The following ULK4 variants were observed in gnomAD, a reference collection of about 807,000 sequenced individuals.
ULK4 encodes the protein inactive serine/threonine-protein kinase ULK4.
Under a neutral mutation model 160.6 loss-of-function variants are expected in ULK4, and 133 were observed. That is an observed-to-expected ratio of 0.83 (90% CI 0.72 to 0.96). The LOEUF (loss-of-function observed/expected upper bound fraction) is 0.96, where lower values mean the gene tolerates loss of function less well. ULK4 is among the 40% of genes least tolerant of loss of function. ULK4 has a pLI of 0.00. For missense variants in ULK4, 1,580 were observed against 1,499.5 expected, an observed-to-expected ratio of 1.05 and a Z score of -0.89; for synonymous variants, 534 against 539.8, an observed-to-expected ratio of 0.99 and a Z score of 0.15.
chr3:41,478,764 A>C (rs1039291001), intron 32 of ULK4, among the ~76,000 whole-genome samples: 6 of 152,242 alleles, frequency 3.9e-5, no homozygotes, highest in Admixed American at 6.5e-5. Flanking sequence ...GGATTAATTT[A>C]AGCAAATATG....
intron 27 of ULK4, among the ~76,000 whole-genome samples, chr3:41,704,473 T>G (rs1174492401): frequency 1.3e-5 from 2 of 152,190 alleles, no homozygotes; most frequent in Non-Finnish European, 2.9e-5. Context: ...CTGGGGACCT[T>G]TCTGCAGAAA....
intron 32 of ULK4, among the ~76,000 whole-genome samples, chr3:41,531,707 T>C (rs1464207693): frequency 1.3e-5 from 2 of 152,084 alleles, no homozygotes; most frequent in East Asian, 1.9e-4. Context: ...ACAACAAATA[T>C]TGTTTAAGTA....
chr3:41,664,791 T>C (rs192746257), intron 29 of ULK4, among the ~76,000 whole-genome samples: 55 of 152,362 alleles, frequency 3.6e-4, no homozygotes, highest in African/African-American at 1.3e-3. Flanking sequence ...AACTCTTTTC[T>C]GCACAGCATT....
chr3:41,624,132 C>A (rs1242831668), intron 30 of ULK4, among the ~76,000 whole-genome samples: 1 of 152,206 alleles, frequency 6.6e-6, no homozygotes, highest in African/African-American at 2.4e-5. Flanking sequence ...CTCCTTACAT[C>A]ATGCCTAGGT....
rs191385820 is a variant in ULK4, at chr3:41,787,524, C to T, written c.2193+2137G>A. Among the ~76,000 whole-genome samples the T allele has an allele frequency of 3.0e-3, 459 of 152,266 alleles. 2 individuals carry two copies. Among genetic ancestry groups the T allele is most frequent in the Non-Finnish European group, 5.2e-3 (351 of 68,028 alleles). On this transcript the variant is annotated intron_variant, in intron 21 of 36. Coordinates refer to ENST00000301831, the MANE Select transcript of ULK4 (RefSeq NM_017886.4). ...AACATCAATGCAGCACCCTTCTTCC[C>T]CCTGCCAATTCAGTGTCAGAGGGGA...
Position 41,419,076 on chromosome 3 carries a change from T to C in ULK4, c.3493-20812A>G, listed in dbSNP as rs773229121. On this transcript the variant is annotated intron_variant, in intron 34 of 36. Transcript: ENST00000301831. ...CTTTGTAATGCATCAAAAAGTAAGA[T>C]AGATTGATAGATAAATGGATAAATG... 2.0e-4 allele frequency among the ~76,000 whole-genome samples: 30 copies of C among 152,164 alleles called. No homozygotes were observed. In the South Asian group the frequency reaches 2.1e-3, roughly 11 times the overall value.
At chr3:41,733,724 G>GTTTTTT (rs2037915843) in intron 22 of ULK4, among the ~76,000 whole-genome samples, 1 of 111,446 alleles carries the variant, frequency 9.0e-6, no homozygotes, top group Admixed American at 8.4e-5. Flanking sequence ...CTAAACACAT[G>GTTTTTT]ATTTTTTTTT....
rs55691966 is a variant in ULK4 at position 41,343,295 on chromosome 3, CTTTTTTTT to C, written c.3678+54776_3678+54783del. Among the ~76,000 whole-genome samples the C allele has an allele frequency of 6.2e-3, 529 of 85,370 alleles. 4 individuals are homozygous for C. The highest frequency in any genetic ancestry group is 0.023 in the African/African-American group (515 of 22,430). 56.0% of individuals were successfully genotyped at this position (85,370 alleles called of 152,430 possible). Reference sequence around the variant, plus strand: ...AAATGCCATTGTCTCAGCCCAAAAACTTTTTTTTTTTTTTTTTTTTTTTTTTTGAGATG... The same window carrying C: ...AAATGCCATTGTCTCAGCCCAAAAACTTTTTTTTTTTTTTTTTTTGAGATG... On this transcript the variant is annotated intron_variant, in intron 35 of 36. Coordinates refer to ENST00000301831, the MANE Select transcript of ULK4 (RefSeq NM_017886.4).
intron 30 of ULK4, among the ~76,000 whole-genome samples, chr3:41,660,461 C>T (rs2035113185): frequency 1.3e-5 from 2 of 152,068 alleles, no homozygotes; most frequent in African/African-American, 4.8e-5. Context: ...AAATACTGTT[C>T]TTTTTTCTCC....
intron 22 of ULK4, among the ~76,000 whole-genome samples, chr3:41,722,811 T>C (rs2037522386): frequency 6.6e-6 from 1 of 152,180 alleles, no homozygotes; most frequent in South Asian, 2.1e-4. Context: ...TATAACCGTT[T>C]ATTTAACCCA....
At chr3:41,819,275 G>T in intron 19 of ULK4, 148 bp downstream of exon 19, 1 of 620,442 alleles carries the variant, frequency 1.6e-6, no homozygotes. Context: ...TAGGTCACTT[G>T]CTCATGGTAG....
At chr3:41,787,010 G>C (rs2125589327) in intron 21 of ULK4, among the ~76,000 whole-genome samples, 1 of 152,184 alleles carries the variant, frequency 6.6e-6, no homozygotes, top group East Asian at 1.9e-4. Flanking sequence ...AGAAAAAACA[G>C]CTCTCTCAAA....
At chr3:41,900,344 A>G (rs1006634836) in intron 13 of ULK4, among the ~76,000 whole-genome samples, 1 of 152,116 alleles carries the variant, frequency 6.6e-6, no homozygotes, top group Admixed American at 6.6e-5. Context: ...CCTTCGAAAT[A>G]CATCAGAGAC....
intron 35 of ULK4, among the ~76,000 whole-genome samples, chr3:41,382,239 G>T (rs1198308246): frequency 6.6e-6 from 1 of 152,090 alleles, no homozygotes; most frequent in Non-Finnish European, 1.5e-5. Flanking sequence ...TTAGAGCAGG[G>T]TTTTCTGTCT....
intron 19 of ULK4, among the ~76,000 whole-genome samples, chr3:41,806,979 G>T (rs964148109): frequency 2.6e-5 from 4 of 151,944 alleles, no homozygotes; most frequent in Non-Finnish European, 4.4e-5. Flanking sequence ...AAAACCTCTT[G>T]TCTCTACCAA....
At chr3:41,761,450 A>C (rs776139581) in intron 21 of ULK4, among the ~76,000 whole-genome samples, 2 of 150,444 alleles carry the variant, frequency 1.3e-5, no homozygotes, top group Non-Finnish European at 3.0e-5. Context: ...AACAGCAATG[A>C]TTATAGTAAT....
chr3:41,840,951 C>T (rs141853994), intron 17 of ULK4, among the ~76,000 whole-genome samples: 8,280 of 150,028 alleles, frequency 0.055, 391 homozygotes, highest in East Asian at 0.16. Flanking sequence ...CCGGCCACCC[C>T]GTCTGGGAAG....
At chr3:41,558,191 CA>C (rs2087378233) in intron 32 of ULK4, among the ~76,000 whole-genome samples, 1 of 152,080 alleles carries the variant, frequency 6.6e-6, no homozygotes, top group Admixed American at 6.5e-5. Flanking sequence ...TCTGTAACAG[CA>C]AAATATTGGA....
chr3:41,794,660 C>CAAAAAAAAAAAAAAAAAAAAA (rs71075484), intron 20 of ULK4, among the ~76,000 whole-genome samples: 21 of 18,990 alleles, frequency 1.1e-3, no homozygotes, highest in South Asian at 5.3e-3. Context: ...GACTCTGTCT[C>CAAAAAAAAAAAAAAAAAAAAA]AAAAAAAAAA....
Sources: allele counts gnomAD v4.1 joint callset (sites outside exome capture counted in the v4.1 genomes callset), GRCh38; gene constraint gnomAD v4.1.1; transcripts MANE v1.5; gene names NCBI Gene and HGNC (gene_info 2026-07-23, HGNC 2026-07-21).